The following SAMSN1 variants were observed in gnomAD, a reference collection of about 807,000 sequenced individuals.
The protein encoded by SAMSN1 is SAM domain, SH3 domain and nuclear localization signals 1, also known as SAM domain-containing protein SAMSN-1.
In SAMSN1, 31 loss-of-function variants were observed where a neutral mutation model predicts 42.0. The ratio of observed to expected loss-of-function variants is 0.74; its 90% CI spans 0.55 to 1.00. The LOEUF (loss-of-function observed/expected upper bound fraction) is 1.00. Among genes scored for constraint, SAMSN1 ranks in the 50% least tolerant of loss-of-function variants. SAMSN1 has a pLI of 0.00. For synonymous variants in SAMSN1, 178 were observed against 151.9 expected (o/e 1.17, Z -1.26); for missense variants, 464 against 439.4 (o/e 1.06, Z -0.50).
At chr21:14,639,417 G>C (rs1320274792) in intron 2 of SAMSN1, among the ~76,000 whole-genome samples, 1 of 152,098 alleles carries the variant, frequency 6.6e-6, no homozygotes, top group African/African-American at 2.4e-5. Flanking sequence ...AAACAAGAGA[G>C]GGCCAAACTT....
chr21:14,536,493 A>G (rs1040982333), intron 1 of SAMSN1, among the ~76,000 whole-genome samples: 1 of 152,248 alleles, frequency 6.6e-6, no homozygotes, highest in Admixed American at 6.5e-5. Context: ...TTTCAAGTAT[A>G]GCTAATACAT....
chr21:14,582,366 A>G, exon 2 of SAMSN1: 2 of 1,550,212 alleles, frequency 1.3e-6, no homozygotes, highest in Non-Finnish European at 1.7e-6. Context: ...CTACCCAGTG[A>G]TGCAGAAAGA....
intron 5 of SAMSN1, among the ~76,000 whole-genome samples, chr21:14,506,509 C>G: frequency 6.6e-6 from 1 of 151,966 alleles, no homozygotes; most frequent in East Asian, 1.9e-4. Context: ...ATTAGATACC[C>G]GGAATAGACC....
At chr21:14,645,710 T>A (rs538813411) in intron 1 of SAMSN1, among the ~76,000 whole-genome samples, 39 of 152,200 alleles carry the variant, frequency 2.6e-4, no homozygotes, top group Non-Finnish European at 4.9e-4. Flanking sequence ...ATATGTGACC[T>A]TTCAGATAAT....
intron 1 of SAMSN1, among the ~76,000 whole-genome samples, chr21:14,649,339 G>A (rs1326896724): frequency 1.3e-5 from 2 of 151,238 alleles, no homozygotes; most frequent in East Asian, 3.9e-4. Context: ...CGAGTTAGTG[G>A]GTGCAGCGCA....
At chr21:14,619,083 G>A (rs1982934565) in intron 2 of SAMSN1, among the ~76,000 whole-genome samples, 1 of 152,106 alleles carries the variant, frequency 6.6e-6, no homozygotes, top group African/African-American at 2.4e-5. Flanking sequence ...ATAAAATTAG[G>A]TCAAAGTTTT....
intron 1 of SAMSN1, among the ~76,000 whole-genome samples, chr21:14,543,035 C>T (rs1042250585): frequency 2.0e-5 from 3 of 152,196 alleles, no homozygotes; most frequent in Admixed American, 1.3e-4. Context: ...AACCTAAGTA[C>T]AGAATACTTA....
chr21:14,602,134 C>G (rs890644505), intron 5 of SAMSN1: 1 of 556,592 alleles, frequency 1.8e-6, no homozygotes, highest in Non-Finnish European at 3.4e-6. Context: ...TACAGAATAT[C>G]AGACATTACA....
chr21:14,497,961 T>C (rs1293763876), intron 7 of SAMSN1, among the ~76,000 whole-genome samples: 1 of 152,210 alleles, frequency 6.6e-6, no homozygotes, highest in Non-Finnish European at 1.5e-5. Context: ...TTTTGCAAGC[T>C]ATTATAACAT....
intron 2 of SAMSN1, among the ~76,000 whole-genome samples, chr21:14,625,599 C>A (rs1983144583): frequency 6.6e-6 from 1 of 152,166 alleles, no homozygotes; most frequent in South Asian, 2.1e-4. Flanking sequence ...TCAAGGAGAA[C>A]TGCAAACCAC....
chr21:14,548,968 T>C (rs1456404788), upstream of SAMSN1, among the ~76,000 whole-genome samples: 1 of 152,184 alleles, frequency 6.6e-6, no homozygotes, highest in African/African-American at 2.4e-5. Context: ...AAAAGCACAG[T>C]CTTGGTGCTT....
rs941487032 is a variant in SAMSN1, at chr21:14,636,810, G to A, written c.156+6192C>T. On this transcript the variant is annotated intron_variant, in intron 2 of 15. Coordinates refer to the SAMSN1 transcript ENST00000647101. ...ACCCTGGGGGTGGAGCTTGCAGTGA[G>A]CCAAGATCCTGCCACTGCACTCCAG... 2.6e-5 allele frequency among the ~76,000 whole-genome samples: 4 copies of A among 152,190 alleles called. No individual in the cohort carries two copies. In the East Asian group the frequency reaches 7.7e-4, roughly 29 times the overall value.
chr21:14,651,007 A>G (rs1983825866), intron 1 of SAMSN1, among the ~76,000 whole-genome samples: 1 of 151,992 alleles, frequency 6.6e-6, no homozygotes. Context: ...AAGACCAATA[A>G]CAAGTTACAA....
intron 5 of SAMSN1, among the ~76,000 whole-genome samples, chr21:14,508,007 T>C (rs1332399005): frequency 5.3e-5 from 8 of 152,148 alleles, no homozygotes; most frequent in Admixed American, 2.6e-4. Flanking sequence ...TAGCCATATG[T>C]AGGAGAATGA....
rs1986422810 is a variant in SAMSN1, at chr21:14,486,078, G to A, written c.956C>T (p.Ser319Phe). ...ATTTAAGGAGATGTCTGAGCTCAAG[G>A]ATAGGGGCTCAGGTTCATTTTCTTG... Reference protein sequence around the residue: ...QEQENEPEPLSLSSDISLNKS... With the variant: ...QEQENEPEPLFLSSDISLNKS... The change falls in exon 8 of 8, where the codon TCC (serine) becomes TTC (phenylalanine). Residue 319 changes from serine (S) to phenylalanine (F), a missense_variant. By Grantham distance (155) the Ser-to-Phe change is radical (BLOSUM62 -2). Coordinates refer to ENST00000400566, the MANE Select transcript of SAMSN1 (RefSeq NM_022136.5). 6.2e-7 allele frequency: 1 copy of A among 1,613,416 alleles called. No individual in the cohort carries two copies. Among genetic ancestry groups the A allele is most frequent in the Non-Finnish European group, 8.5e-7 (1 of 1,179,666 alleles).
chr21:14,618,966 G>A (rs192637495), intron 2 of SAMSN1, among the ~76,000 whole-genome samples: 124 of 152,236 alleles, frequency 8.1e-4, no homozygotes, highest in Middle Eastern at 3.4e-3. Context: ...AAAATGAAAT[G>A]TAGAAAAATT....
At chr21:14,554,180 C>T (rs150047693) in intron 2 of SAMSN1, among the ~76,000 whole-genome samples, 2 of 152,022 alleles carry the variant, frequency 1.3e-5, no homozygotes, top group African/African-American at 4.8e-5. Context: ...ACATTCTGTT[C>T]TTAAGTTTTG....
intron 2 of SAMSN1, among the ~76,000 whole-genome samples, chr21:14,518,441 G>A (rs1988016419): frequency 8.7e-6 from 1 of 114,930 alleles, no homozygotes; most frequent in African/African-American, 3.5e-5. Context: ...GTAGAACGTT[G>A]CAGATTTTTT....
intron 5 of SAMSN1, among the ~76,000 whole-genome samples, chr21:14,604,326 T>C (rs539338893): frequency 4.6e-5 from 7 of 152,242 alleles, no homozygotes; most frequent in African/African-American, 7.2e-5. Flanking sequence ...GGAGTCTAAT[T>C]CTTCTCCTGT....
Sources: allele counts gnomAD v4.1 joint callset (sites outside exome capture counted in the v4.1 genomes callset), GRCh38; gene constraint gnomAD v4.1.1; transcripts MANE v1.5; gene names NCBI Gene and HGNC (gene_info 2026-07-23, HGNC 2026-07-21).